Variants in SGCZ observed in about 807,000 individuals in gnomAD.
The protein encoded by SGCZ is sarcoglycan zeta.
In SGCZ, 40 loss-of-function variants were observed where a neutral mutation model predicts 41.3. The ratio of observed to expected loss-of-function variants is 0.97; its 90% CI spans 0.75 to 1.26. SGCZ has a LOEUF of 1.26. SGCZ is among the 50% of genes most tolerant of loss of function. The pLI is 0.00. For synonymous variants in SGCZ, 206 were observed against 137.5 expected, an observed-to-expected ratio of 1.50 and a Z score of -3.49; for missense variants, 552 against 369.8, an observed-to-expected ratio of 1.49 and a Z score of -4.04.
intron 1 of SGCZ, among the ~76,000 whole-genome samples, chr8:14,943,050 AAAG>A (rs767109845): frequency 1.3e-5 from 2 of 152,210 alleles, no homozygotes; most frequent in Non-Finnish European, 2.9e-5. Flanking sequence ...CATTATTTAC[AAAG>A]AAGAATTGTC....
chr8:14,950,502 A>C (rs917770143), intron 1 of SGCZ, among the ~76,000 whole-genome samples: 1 of 152,026 alleles, frequency 6.6e-6, no homozygotes, highest in Admixed American at 6.6e-5. Context: ...GAATATCTTT[A>C]ACTGTTGATA....
At chr8:15,223,058 A>C (rs1801656887) in intron 1 of SGCZ, among the ~76,000 whole-genome samples, 1 of 152,142 alleles carries the variant, frequency 6.6e-6, no homozygotes, top group East Asian at 1.9e-4. Context: ...GAGATGAGAG[A>C]ATCTTAAATC....
At chr8:14,961,963 C>T (rs1016579279) in intron 1 of SGCZ, among the ~76,000 whole-genome samples, 28 of 152,134 alleles carry the variant, frequency 1.8e-4, no homozygotes, top group African/African-American at 3.4e-4. Context: ...TTCCTTCTTG[C>T]GGAGCACTGA....
At chr8:14,270,623 A>T (rs574464626) in intron 3 of SGCZ, among the ~76,000 whole-genome samples, 4 of 152,262 alleles carry the variant, frequency 2.6e-5, no homozygotes, top group South Asian at 4.1e-4. Context: ...TGTGAAGCCT[A>T]TACCTTTCTT....
At chr8:14,922,517 C>T (rs1039276336) in intron 1 of SGCZ, among the ~76,000 whole-genome samples, 5 of 151,904 alleles carry the variant, frequency 3.3e-5, no homozygotes, top group South Asian at 2.1e-4. Flanking sequence ...TGCAATGGCG[C>T]GATTTCGGCT....
intron 3 of SGCZ, among the ~76,000 whole-genome samples, chr8:14,314,969 C>A (rs1054960560): frequency 6.6e-6 from 1 of 152,108 alleles, no homozygotes; most frequent in Admixed American, 6.6e-5. Flanking sequence ...ATCAAAATTG[C>A]AAACATTCAA....
At chr8:14,826,853 G>A (rs1802342608) in intron 1 of SGCZ, among the ~76,000 whole-genome samples, 1 of 152,126 alleles carries the variant, frequency 6.6e-6, no homozygotes, top group Admixed American at 6.6e-5. Context: ...CAGATGAGTA[G>A]GTTGTGAAAA....
intron 1 of SGCZ, among the ~76,000 whole-genome samples, chr8:14,662,046 TAGA>T (rs1023784336): frequency 6.6e-6 from 1 of 152,134 alleles, no homozygotes; most frequent in African/African-American, 2.4e-5. Context: ...AGTAAATAAG[TAGA>T]AGAAGAAAAA....
chr8:14,890,074 G>A lies in SGCZ; in HGVS notation c.40-335148C>T, dbSNP rs191062931. Among the ~76,000 whole-genome samples the A allele has an allele frequency of 3.6e-3, 554 of 152,036 alleles. 3 individuals carry two copies. The highest frequency in any genetic ancestry group is 0.013 in the African/African-American group (528 of 41,480). On this transcript the variant is annotated intron_variant, in intron 1 of 7. Transcript: ENST00000382080. ...TCTACTAAAAATACAAAAATTAGCC[G>A]GGCATGGTCGTGGGCACCCATAGTC...
At chr8:14,216,053 T>C (rs1327616657) in intron 4 of SGCZ, among the ~76,000 whole-genome samples, 3 of 152,324 alleles carry the variant, frequency 2.0e-5, no homozygotes, top group African/African-American at 7.2e-5. Flanking sequence ...AGCACAGATT[T>C]AATGACAAAG....
At chr8:14,997,598 A>C (rs1375371237) in intron 1 of SGCZ, among the ~76,000 whole-genome samples, 1 of 152,188 alleles carries the variant, frequency 6.6e-6, no homozygotes, top group Non-Finnish European at 1.5e-5. Context: ...AATCAAGAAC[A>C]TTAGCTTTTC....
intron 1 of SGCZ, among the ~76,000 whole-genome samples, chr8:14,737,802 T>C (rs913292783): frequency 6.6e-6 from 1 of 152,116 alleles, no homozygotes; most frequent in Admixed American, 6.6e-5. Flanking sequence ...TAGAAACTTT[T>C]TTCCAAACAT....
At chr8:14,572,941 C>T (rs560592658) in intron 1 of SGCZ, among the ~76,000 whole-genome samples, 29 of 152,166 alleles carry the variant, frequency 1.9e-4, no homozygotes, top group Admixed American at 3.3e-4. Flanking sequence ...AATACCTATA[C>T]ATGCAAAGCA....
chr8:14,640,531 T>C (rs1806986227), intron 1 of SGCZ, among the ~76,000 whole-genome samples: 1 of 151,788 alleles, frequency 6.6e-6, no homozygotes. Flanking sequence ...TGTATCTTCG[T>C]GAATATTCCT....
chr8:14,817,966 C>G (rs1273640298), intron 1 of SGCZ, among the ~76,000 whole-genome samples: 1 of 152,180 alleles, frequency 6.6e-6, no homozygotes, highest in Non-Finnish European at 1.5e-5. Flanking sequence ...GCCAAAGAGG[C>G]ACCTCGCCCA....
chr8:14,872,700 C>T (rs1382420395), intron 1 of SGCZ, among the ~76,000 whole-genome samples: 1 of 152,080 alleles, frequency 6.6e-6, no homozygotes, highest in Non-Finnish European at 1.5e-5. Flanking sequence ...ACTAAACTAA[C>T]TTGTCTTTCT....
intron 2 of SGCZ, among the ~76,000 whole-genome samples, chr8:14,459,410 A>C (rs1800838423): frequency 6.6e-6 from 1 of 151,614 alleles, no homozygotes; most frequent in Non-Finnish European, 1.5e-5. Flanking sequence ...TAAACCTTAA[A>C]GTATAATAAA....
intron 1 of SGCZ, among the ~76,000 whole-genome samples, chr8:14,944,428 G>A (rs957130766): frequency 6.6e-6 from 1 of 152,110 alleles, no homozygotes; most frequent in Middle Eastern, 3.2e-3. Flanking sequence ...CATAAAAATG[G>A]TCAGAATATG....
chr8:14,249,257 A>T (rs1367207353), intron 3 of SGCZ, among the ~76,000 whole-genome samples: 1 of 152,184 alleles, frequency 6.6e-6, no homozygotes, highest in African/African-American at 2.4e-5. Flanking sequence ...TTTTGAATTC[A>T]GATCAGGAGT....
Sources: gnomAD v4.1 joint callset for allele counts (sites outside exome capture counted in the v4.1 genomes callset) on GRCh38, gnomAD v4.1.1 for gene constraint, MANE v1.5 for transcripts, NCBI Gene and HGNC (gene_info 2026-07-23, HGNC 2026-07-21) for gene names.